Variants in BLNK observed in about 807,000 individuals in gnomAD.
BLNK encodes the protein B cell linker.
In BLNK, 29 loss-of-function variants were observed where a neutral mutation model predicts 73.5. That is an observed-to-expected ratio of 0.39 (90% CI 0.29 to 0.54). The LOEUF is 0.54. Among genes scored for constraint, BLNK ranks in the 20% least tolerant of loss-of-function variants. The pLI, the probability that BLNK is intolerant of heterozygous loss-of-function variation, is 0.61. For synonymous variants in BLNK, 176 were observed against 200.8 expected (o/e 0.88, Z 1.04); for missense variants, 460 against 562.8 (o/e 0.82, Z 1.85).
chr10:96,219,293 G>A (rs935793775), intron 6 of BLNK, among the ~76,000 whole-genome samples: 7 of 152,232 alleles, frequency 4.6e-5, no homozygotes, highest in African/African-American at 1.7e-4. Context: ...GATGTTGAGT[G>A]GCTGCGGATC....
chr10:96,253,119 A>G (rs1843358857), intron 1 of BLNK, among the ~76,000 whole-genome samples: 1 of 152,176 alleles, frequency 6.6e-6, no homozygotes, highest in Non-Finnish European at 1.5e-5. Flanking sequence ...TTTACTACCC[A>G]TGCATAAGAT....
intron 1 of BLNK, among the ~76,000 whole-genome samples, chr10:96,259,949 A>G (rs1366935851): frequency 6.6e-6 from 1 of 152,088 alleles, no homozygotes; most frequent in Non-Finnish European, 1.5e-5. Context: ...ACCTGCCTTA[A>G]GAAGTTCTTA....
At position 96,217,780 on chromosome 10, in the gene BLNK, T is replaced by C. The variant is rs965304310; in HGVS notation, c.526-1046A>G. 1.1e-4 allele frequency among the ~76,000 whole-genome samples: 16 copies of C among 152,346 alleles called. No homozygotes were observed. The East Asian group carries it at 2.9e-3, about 27-fold the overall frequency. ...CTTTTTTACTTTCTTATTGGTATCA[T>C]TGGTGGCACAAAACGTTTAAATTTT... On this transcript the variant is annotated intron_variant, in intron 6 of 16. Coordinates refer to ENST00000224337, the MANE Select transcript of BLNK (RefSeq NM_013314.4).
intron 9 of BLNK, among the ~76,000 whole-genome samples, chr10:96,209,549 C>A (rs587669233): frequency 6.6e-6 from 1 of 152,120 alleles, no homozygotes; most frequent in Admixed American, 6.5e-5. Flanking sequence ...TGTGCCACCA[C>A]GCCTGGCTAA....
At chr10:96,206,636 C>T (rs1284223991) in intron 11 of BLNK, among the ~76,000 whole-genome samples, 3 of 150,096 alleles carry the variant, frequency 2.0e-5, no homozygotes, top group Non-Finnish European at 3.0e-5. Flanking sequence ...ATCTTGAAAA[C>T]TTAGCAAAAG....
At chr10:96,216,567 G>A (rs2134001819) in intron 7 of BLNK, 86 bp downstream of exon 7, 1 of 1,162,272 alleles carries the variant, frequency 8.6e-7, no homozygotes, top group Non-Finnish European at 1.3e-6. Flanking sequence ...TCATTTCTGA[G>A]CCTCTTAGTG....
intron 1 of BLNK, among the ~76,000 whole-genome samples, chr10:96,260,848 CT>C (rs112579082): frequency 3.2e-3 from 459 of 145,046 alleles, no homozygotes; most frequent in East Asian, 0.013. Flanking sequence ...GAAGCAATAT[CT>C]TTTTTTTTTT....
At chr10:96,254,814 C>T (rs1456346857) in intron 1 of BLNK, among the ~76,000 whole-genome samples, 4 of 152,146 alleles carry the variant, frequency 2.6e-5, no homozygotes, top group African/African-American at 9.7e-5. Flanking sequence ...CCTGGCCCTT[C>T]AATGAGTCTT....
intron 1 of BLNK, among the ~76,000 whole-genome samples, chr10:96,249,630 G>T (rs1211066322): frequency 6.6e-6 from 1 of 152,222 alleles, no homozygotes; most frequent in Non-Finnish European, 1.5e-5. Flanking sequence ...AGGGCTAATG[G>T]CTGTTAGGCG....
intron 1 of BLNK, among the ~76,000 whole-genome samples, chr10:96,255,183 A>ATTCTATGTGCCT (rs1843459214): frequency 6.6e-6 from 1 of 152,218 alleles, no homozygotes; most frequent in Non-Finnish European, 1.5e-5. Flanking sequence ...GGCACATAGA[A>ATTCTATGTGCCT]GGATAAACAA....
At chr10:96,210,863 GTTTTTTTTT>G (rs377260098) in intron 8 of BLNK, among the ~76,000 whole-genome samples, 36 of 121,952 alleles carry the variant, frequency 3.0e-4, no homozygotes, top group African/African-American at 1.1e-3. Flanking sequence ...CCACAATTCC[GTTTTTTTTT>G]TTTTTTTTTT....
chr10:96,221,381 T>C (rs1417901831), intron 6 of BLNK, among the ~76,000 whole-genome samples: 1 of 152,242 alleles, frequency 6.6e-6, no homozygotes, highest in African/African-American at 2.4e-5. Flanking sequence ...TAAACACTTT[T>C]ATTTATGCTT....
At chr10:96,254,765 C>G (rs1463318402) in intron 1 of BLNK, among the ~76,000 whole-genome samples, 2 of 152,212 alleles carry the variant, frequency 1.3e-5, no homozygotes, top group Non-Finnish European at 1.5e-5. Context: ...CCCACCTCGG[C>G]CTCCCAAATT....
chr10:96,235,534 C>T (rs1842659834), intron 3 of BLNK, among the ~76,000 whole-genome samples: 1 of 148,704 alleles, frequency 6.7e-6, no homozygotes, highest in Non-Finnish European at 1.5e-5. Flanking sequence ...CAAATAAAGA[C>T]TAAGGGCCAG....
intron 10 of BLNK, 42 bp downstream of exon 10, chr10:96,207,830 T>C: frequency 6.2e-7 from 1 of 1,609,212 alleles, no homozygotes; most frequent in South Asian, 1.1e-5. Context: ...GAATAAACAC[T>C]GCAGGAAATA....
intron 4 of BLNK, among the ~76,000 whole-genome samples, chr10:96,230,325 C>G (rs1359637718): frequency 6.6e-6 from 1 of 152,132 alleles, no homozygotes; most frequent in African/African-American, 2.4e-5. Flanking sequence ...TGTGGAACTG[C>G]AAGTGACTGA....
At position 96,200,067 on chromosome 10, in the gene BLNK, G is replaced by T. The variant is rs1554895716; in HGVS notation, c.1095+8C>A. The T allele has an allele frequency of 1.3e-6, 2 of 1,516,684 alleles. No individual in the cohort carries two copies. The highest frequency in any genetic ancestry group is 1.8e-6 in the Non-Finnish European group (2 of 1,125,236). The allele number at this position is 1,516,684 out of a possible 1,614,324, so 94.0% of individuals were successfully genotyped here. A position where few individuals can be genotyped will look rare whatever the true frequency, so the allele number is the denominator to read the frequency against. ...AATAAAAATAATAAATAATAAAAAT[G>T]ATCAGACCTTGTTTGATCTGTGCAA... On this transcript the variant is annotated splice_region_variant and intron_variant, in intron 15 of 16. Transcript: ENST00000224337. The surrounding 1 kb of genome is among the most constrained non-coding windows in gnomAD (Gnocchi z 4.3).
Position 96,204,578 on chromosome 10 carries a change from G to A in BLNK, c.856C>T (p.His286Tyr), listed in dbSNP as rs1554896965. ...GGTGACTGCACAGCTTCTTGTCTGTGACTTGACCCTCGGTGGCGTTCAGCA... is the reference window on the plus strand; with the variant it reads ...GGTGACTGCACAGCTTCTTGTCTGTAACTTGACCCTCGGTGGCGTTCAGCA... ...IPAERHRGSS[H>Y]RQEAVQSPVF... Residue 286 changes from histidine (H) to tyrosine (Y), a missense_variant, in exon 12 of 17, where the codon CAC becomes TAC. Transcript: ENST00000224337. 1 of 1,613,956 alleles carries A rather than the reference G, an allele frequency of 6.2e-7. No homozygotes were observed. Among genetic ancestry groups the A allele is most frequent in the African/African-American group, 1.3e-5 (1 of 74,908 alleles).
Position 96,200,963 on chromosome 10 carries a change from T to C in BLNK, c.1011+19A>G. ...GTTTCCTGGTAACAATTTAGTGACA[T>C]CAAGAGTTCATTTCATACCTGTTCT... On this transcript the variant is annotated intron_variant, in intron 14 of 16. Transcript: ENST00000224337. The surrounding 1 kb of genome is among the most constrained non-coding windows in gnomAD (Gnocchi z 4.3). 1 of 1,608,702 alleles carries C rather than the reference T, an allele frequency of 6.2e-7. No individual in the cohort carries two copies. Among genetic ancestry groups the C allele is most frequent in the Non-Finnish European group, 8.5e-7 (1 of 1,175,076 alleles).
Sources: allele counts gnomAD v4.1 joint callset (sites outside exome capture counted in the v4.1 genomes callset), GRCh38; gene constraint gnomAD v4.1.1; non-coding constraint Gnocchi (gnomAD v3.1); transcripts MANE v1.5; gene names NCBI Gene and HGNC (gene_info 2026-07-23, HGNC 2026-07-21).